ADGRL3: variants seen among roughly 807,000 people sequenced by gnomAD.
The protein encoded by ADGRL3 is adhesion G protein-coupled receptor L3.
A neutral mutation model predicts 153.5 loss-of-function variants in ADGRL3; 62 were observed. That is an observed-to-expected ratio of 0.40 (90% CI 0.33 to 0.50). The LOEUF is 0.50. Ranked by LOEUF, ADGRL3 falls within the 20% of genes least tolerant of loss-of-function variation. The pLI is 0.47. For missense variants in ADGRL3, 1,641 were observed against 1,859.4 expected (o/e 0.88, Z 2.16); for synonymous variants, 710 against 672.5 (o/e 1.06, Z -0.86).
chr4:61,659,385 C>T (rs1304083716), intron 5 of ADGRL3, among the ~76,000 whole-genome samples: 1 of 152,148 alleles, frequency 6.6e-6, no homozygotes, highest in Non-Finnish European at 1.5e-5. Context: ...ATAACCTGTC[C>T]AGATGCCTGT....
chr4:61,436,995 T>C (rs1009957089), intron 2 of ADGRL3, among the ~76,000 whole-genome samples: 1 of 152,126 alleles, frequency 6.6e-6, no homozygotes, highest in Non-Finnish European at 1.5e-5. Flanking sequence ...ATGAACATAA[T>C]AGCCCTTACC....
At chr4:61,916,482 T>A (rs1005451626) in intron 13 of ADGRL3, among the ~76,000 whole-genome samples, 2 of 149,550 alleles carry the variant, frequency 1.3e-5, no homozygotes, top group Non-Finnish European at 3.0e-5. Context: ...AAAAAAAAAA[T>A]AGAGAGTTTT....
chr4:61,821,572 T>A (rs1250812113), intron 9 of ADGRL3, among the ~76,000 whole-genome samples: 2 of 152,100 alleles, frequency 1.3e-5, no homozygotes, highest in African/African-American at 2.4e-5. Flanking sequence ...TGGGTTTTTT[T>A]ATAGGTAGTG....
chr4:61,300,551 A>G (rs1393264804), intron 1 of ADGRL3, among the ~76,000 whole-genome samples: 1 of 152,160 alleles, frequency 6.6e-6, no homozygotes. Context: ...AGGAACACCT[A>G]TTAAGGAAAA....
At chr4:61,806,971 A>G (rs938885871) in intron 8 of ADGRL3, among the ~76,000 whole-genome samples, 5 of 152,080 alleles carry the variant, frequency 3.3e-5, no homozygotes, top group African/African-American at 1.2e-4. Flanking sequence ...CTTCTCAGAT[A>G]TCAATATTAT....
chr4:61,339,050 C>T (rs980715566), intron 1 of ADGRL3, among the ~76,000 whole-genome samples: 2 of 151,956 alleles, frequency 1.3e-5, no homozygotes, highest in African/African-American at 4.8e-5. Flanking sequence ...ATACAATTCC[C>T]CTCATAGACC....
intron 8 of ADGRL3, among the ~76,000 whole-genome samples, chr4:61,793,566 A>G (rs2097370703): frequency 6.6e-6 from 1 of 152,160 alleles, no homozygotes; most frequent in Non-Finnish European, 1.5e-5. Flanking sequence ...TTACAATTCA[A>G]GATGAGATTT....
At chr4:61,856,121 A>G (rs2098261041) in intron 9 of ADGRL3, among the ~76,000 whole-genome samples, 1 of 152,132 alleles carries the variant, frequency 6.6e-6, no homozygotes, top group Admixed American at 6.5e-5. Context: ...TAATCCTGGC[A>G]CTTAGGGAGG....
intron 5 of ADGRL3, among the ~76,000 whole-genome samples, chr4:61,601,609 A>G (rs1243347910): frequency 1.3e-5 from 2 of 152,114 alleles, no homozygotes; most frequent in African/African-American, 4.8e-5. Flanking sequence ...AGTTTTCAGA[A>G]CCTAGATGAT....
At chr4:61,387,874 G>C (rs1232788462) in intron 2 of ADGRL3, among the ~76,000 whole-genome samples, 2 of 152,164 alleles carry the variant, frequency 1.3e-5, no homozygotes, top group African/African-American at 2.4e-5. Flanking sequence ...ATTGATTGGG[G>C]AAGTGGTAAG....
At chr4:61,669,605 A>G (rs1215152344) in intron 5 of ADGRL3, among the ~76,000 whole-genome samples, 1 of 152,178 alleles carries the variant, frequency 6.6e-6, no homozygotes, top group African/African-American at 2.4e-5. Flanking sequence ...GAATAATTCC[A>G]TCTTCTTATA....
intron 3 of ADGRL3, among the ~76,000 whole-genome samples, chr4:61,512,568 A>G (rs75234814): frequency 0.023 from 3,511 of 152,250 alleles, 124 homozygotes; most frequent in African/African-American, 0.078. Flanking sequence ...AATTTTTAAA[A>G]TCTTCAATTA....
At position 62,070,692 on chromosome 4, in the gene ADGRL3, C is replaced by A; in HGVS notation, c.4416C>A (p.Thr1472=). The change falls in exon 27 of 27, where the codon ACC becomes ACA. Residue 1472 remains threonine, a synonymous_variant. Coordinates refer to ENST00000683033, the MANE Select transcript of ADGRL3 (RefSeq NM_001387552.1). ...VAATESVTTS[T]QTEPPPAKCG... ...CCACAGAGAGTGTTACCACCAGCACCCAGACCGAACCCCCACCGGCCAAAT... is the reference window on the plus strand; with the variant it reads ...CCACAGAGAGTGTTACCACCAGCACACAGACCGAACCCCCACCGGCCAAAT... 6.4e-7 allele frequency: 1 copy of A among 1,551,594 alleles called. No homozygotes were observed. Among genetic ancestry groups the A allele is most frequent in the Non-Finnish European group, 8.7e-7 (1 of 1,146,958 alleles).
At chr4:61,869,397 G>A (rs1280931979) in intron 9 of ADGRL3, among the ~76,000 whole-genome samples, 2 of 151,694 alleles carry the variant, frequency 1.3e-5, no homozygotes, top group Non-Finnish European at 2.9e-5. Context: ...AGGAGATCGA[G>A]ACCATCCTGG....
At chr4:61,374,574 C>A (rs141103226) in intron 1 of ADGRL3, among the ~76,000 whole-genome samples, 218 of 152,040 alleles carry the variant, frequency 1.4e-3, no homozygotes, top group Non-Finnish European at 2.1e-3. Flanking sequence ...AAATCTTAGA[C>A]AAAGTGAGAA....
chr4:61,484,479 G>T (rs573146970), intron 2 of ADGRL3, among the ~76,000 whole-genome samples: 1 of 152,102 alleles, frequency 6.6e-6, no homozygotes, highest in Non-Finnish European at 1.5e-5. Context: ...AAGACTATTA[G>T]ATATCATATT....
intron 17 of ADGRL3, among the ~76,000 whole-genome samples, chr4:61,979,270 C>T (rs1439535321): frequency 2.0e-5 from 3 of 152,046 alleles, no homozygotes; most frequent in Non-Finnish European, 2.9e-5. Context: ...AATCTTTGGC[C>T]AGAATTAAGT....
chr4:61,726,199 C>CTTTTTTTTTTT (rs1012113549), intron 6 of ADGRL3, among the ~76,000 whole-genome samples: 1 of 82,930 alleles, frequency 1.2e-5, no homozygotes, highest in Non-Finnish European at 2.5e-5. Flanking sequence ...CTCACTGGAA[C>CTTTTTTTTTTT]TTTTTTTTTT....
chr4:61,787,310 A>G (rs2097288506), intron 8 of ADGRL3, among the ~76,000 whole-genome samples: 1 of 152,102 alleles, frequency 6.6e-6, no homozygotes, highest in African/African-American at 2.4e-5. Context: ...TCCTCACGTT[A>G]TCTTTCAAAT....
Sources: gnomAD v4.1 joint callset for allele counts (sites outside exome capture counted in the v4.1 genomes callset) on GRCh38, gnomAD v4.1.1 for gene constraint, MANE v1.5 for transcripts, NCBI Gene and HGNC (gene_info 2026-07-23, HGNC 2026-07-21) for gene names.